CLINT1: variants seen among roughly 807,000 people sequenced by gnomAD.
CLINT1 encodes clathrin interactor 1.
A neutral mutation model predicts 70.4 loss-of-function variants in CLINT1; 15 were observed. The observed-to-expected ratio is 0.21, with a 90% CI of 0.14 to 0.33. The LOEUF (loss-of-function observed/expected upper bound fraction) is 0.33, where lower values mean the gene tolerates loss of function less well. CLINT1 is among the 10% of genes least tolerant of loss of function. CLINT1 has a pLI of 1.00. For missense variants in CLINT1, 615 were observed against 778.1 expected (o/e 0.79, Z 2.49); for synonymous variants, 227 against 254.7 (o/e 0.89, Z 1.04).
chr5:157,788,994 A>C (rs1012070846), intron 11 of CLINT1, among the ~76,000 whole-genome samples: 1 of 150,920 alleles, frequency 6.6e-6, no homozygotes, highest in South Asian at 2.1e-4. Context: ...AAAAAAGAAA[A>C]CATAGAAAGA....
rs11454770 is a variant in CLINT1, at chr5:157,855,157, CG to C, written c.41+3772del. On this transcript the variant is annotated intron_variant, in intron 1 of 11. Coordinates refer to ENST00000411809, the MANE Select transcript of CLINT1 (RefSeq NM_014666.4). ...AACTGTCTCCGAAAAAAAAAAAAGG[CG>C]GGGGGGGGGGCGGGTCACTGATGAA... Among the ~76,000 whole-genome samples, 22 of 8,174 alleles carry C rather than the reference CG, an allele frequency of 2.7e-3. 1 individual carries two copies. In the East Asian group the frequency reaches 0.036, roughly 13 times the overall value. 5.4% of individuals were successfully genotyped at this position (8,174 alleles called of 152,430 possible).
intron 5 of CLINT1, among the ~76,000 whole-genome samples, chr5:157,811,634 G>A (rs1762563547): frequency 6.6e-6 from 1 of 152,086 alleles, no homozygotes; most frequent in Non-Finnish European, 1.5e-5. Flanking sequence ...GCAAAAGGAT[G>A]TGATGCAAAC....
chr5:157,852,907 A>G (rs1435723457), intron 1 of CLINT1, among the ~76,000 whole-genome samples: 5 of 152,250 alleles, frequency 3.3e-5, no homozygotes, highest in Admixed American at 6.5e-5. Flanking sequence ...ACAGAAGAGT[A>G]AACAGTAAAA....
At chr5:157,855,528 C>A (rs1753731098) in intron 1 of CLINT1, among the ~76,000 whole-genome samples, 2 of 152,158 alleles carry the variant, frequency 1.3e-5, no homozygotes, top group South Asian at 4.1e-4. Flanking sequence ...CAAGCTCTGG[C>A]AGGCCTATGG....
chr5:157,798,312 T>C (rs1396870849), intron 8 of CLINT1, among the ~76,000 whole-genome samples: 1 of 152,180 alleles, frequency 6.6e-6, no homozygotes, highest in Non-Finnish European at 1.5e-5. Context: ...TCACAACAAG[T>C]GCTATCCTTC....
intron 1 of CLINT1, among the ~76,000 whole-genome samples, chr5:157,830,571 T>C (rs1037374674): frequency 7.9e-5 from 12 of 152,046 alleles, no homozygotes; most frequent in African/African-American, 2.7e-4. Context: ...TGGGTTTTTG[T>C]TGGGTTTAAA....
Position 157,786,895 on chromosome 5 carries a change from A to C in CLINT1, c.*751T>G, listed in dbSNP as rs1172032734. 6.6e-6 allele frequency: 1 copy of C among 152,322 alleles called. No homozygotes were observed. The highest frequency in any genetic ancestry group is 2.4e-5 in the African/African-American group (1 of 41,466). 9.4% of individuals were successfully genotyped at this position (152,322 alleles called of 1,614,324 possible). A position where few individuals can be genotyped will look rare whatever the true frequency, so the allele number is the denominator to read the frequency against. ...TGTAAATAATGACTGCTAAAAACAA[A>C]CAGAAGTTTTTTTCTTTTAAAGGAA... On this transcript the variant is annotated 3_prime_UTR_variant, in exon 12 of 12. Coordinates refer to ENST00000411809, the MANE Select transcript of CLINT1 (RefSeq NM_014666.4).
intron 1 of CLINT1, among the ~76,000 whole-genome samples, chr5:157,837,702 G>A (rs532923266): frequency 6.7e-6 from 1 of 148,206 alleles, no homozygotes. Context: ...GGAGCACAGT[G>A]GCGTGATCTT....
intron 5 of CLINT1, among the ~76,000 whole-genome samples, chr5:157,812,565 T>C (rs1762595132): frequency 6.6e-6 from 1 of 152,222 alleles, no homozygotes; most frequent in Admixed American, 6.5e-5. Context: ...TCGTCAGTCA[T>C]CTTTTATATG....
At chr5:157,800,152 T>C (rs1327510312) in intron 8 of CLINT1, among the ~76,000 whole-genome samples, 1 of 152,166 alleles carries the variant, frequency 6.6e-6, no homozygotes, top group Non-Finnish European at 1.5e-5. Flanking sequence ...AGTTAGGTTT[T>C]ACATATATAT....
chr5:157,797,192 C>T (rs190328618), intron 8 of CLINT1, among the ~76,000 whole-genome samples: 24 of 152,238 alleles, frequency 1.6e-4, no homozygotes, highest in Admixed American at 3.9e-4. Flanking sequence ...AGTTTGTTTT[C>T]TGTAAAGTAG....
At position 157,787,426 on chromosome 5, in the gene CLINT1, T is replaced by C. The variant is rs12283; in HGVS notation, c.*220A>G. Reference sequence around the variant, plus strand: ...CCACCCACTTGTGGTCTATCCTCACTGGAAAAAAATGATTTTGACTGCCTC... The same window carrying C: ...CCACCCACTTGTGGTCTATCCTCACCGGAAAAAAATGATTTTGACTGCCTC... On this transcript the variant is annotated 3_prime_UTR_variant, in exon 12 of 12. Transcript: ENST00000411809. 0.1 allele frequency: 58,092 copies of C among 577,716 alleles called. 4,053 individuals are homozygous for C. The highest frequency in any genetic ancestry group is 0.24 in the African/African-American group (12,992 of 53,414). The allele number at this position is 577,716 out of a possible 1,614,324, so 35.8% of individuals were successfully genotyped here.
intron 1 of CLINT1, among the ~76,000 whole-genome samples, chr5:157,841,889 C>A (rs1309587498): frequency 6.6e-6 from 1 of 152,140 alleles, no homozygotes; most frequent in Non-Finnish European, 1.5e-5. Flanking sequence ...CCTCAGCCTC[C>A]AAAAGTGCTA....
intron 1 of CLINT1, among the ~76,000 whole-genome samples, chr5:157,842,961 G>A (rs937434435): frequency 6.6e-6 from 1 of 152,120 alleles, no homozygotes; most frequent in East Asian, 1.9e-4. Context: ...TAAAAGTAAG[G>A]ACGGTGAGGT....
chr5:157,822,956 T>C (rs370204886), intron 1 of CLINT1, among the ~76,000 whole-genome samples: 1 of 152,204 alleles, frequency 6.6e-6, no homozygotes, highest in South Asian at 2.1e-4. Flanking sequence ...AACAAAGGAA[T>C]AAGGAGTAAA....
intron 1 of CLINT1, among the ~76,000 whole-genome samples, chr5:157,841,363 C>T (rs1486616639): frequency 3.3e-5 from 5 of 152,036 alleles, no homozygotes; most frequent in Admixed American, 2.6e-4. Context: ...GTCAGGAGTT[C>T]GAGACCAGCC....
At chr5:157,841,385 G>T (rs1561671122) in intron 1 of CLINT1, among the ~76,000 whole-genome samples, 1 of 151,088 alleles carries the variant, frequency 6.6e-6, no homozygotes, top group Non-Finnish European at 1.5e-5. Context: ...GGCCAACATG[G>T]TGAAACCCCA....
In CLINT1 at chr5:157,791,880, T is replaced by C. The variant is rs778071233; in HGVS notation, c.1203A>G (p.Val401=). 1 of 1,613,980 alleles carries C rather than the reference T, an allele frequency of 6.2e-7. No homozygotes were observed. The stretch of plus-strand genomic sequence containing the variant: ...CTGATTGTGAGCCACTAACAAGTTC[T>C]ACCGCTGGCTGTGAGGCACTGCCAA... ...EFFGSASQPA[V]ELVSGSQSAL... The change falls in exon 10 of 12, where the codon GTA becomes GTG. Residue 401 remains valine (V), a synonymous_variant. Coordinates refer to ENST00000411809, the MANE Select transcript of CLINT1 (RefSeq NM_014666.4).
rs187807277 is a variant in CLINT1 at position 157,825,628 on chromosome 5, A to G, written c.42-8081T>C. ...CCTGTTCGTATGAGATTAAAATTAC[A>G]GAAAATGCTGTCTTAATGTTCAAAA... On this transcript the variant is annotated intron_variant, in intron 1 of 11. Transcript: ENST00000411809. Among the ~76,000 whole-genome samples the G allele has an allele frequency of 2.2e-3, 328 of 152,346 alleles. 1 individual carries two copies. The highest frequency in any genetic ancestry group is 7.7e-3 in the African/African-American group (319 of 41,594).
Sources: gnomAD v4.1 joint callset for allele counts (sites outside exome capture counted in the v4.1 genomes callset) on GRCh38, gnomAD v4.1.1 for gene constraint, MANE v1.5 for transcripts, NCBI Gene and HGNC (gene_info 2026-07-23, HGNC 2026-07-21) for gene names.